SNTN: variants seen among roughly 807,000 people sequenced by gnomAD.
SNTN encodes sentan, cilia apical structure protein.
Under a neutral mutation model 12.3 loss-of-function variants are expected in SNTN, and 13 were observed. That is an observed-to-expected ratio of 1.05 (90% CI 0.69 to 1.67). The LOEUF is 1.67. Among genes scored for constraint, SNTN ranks in the 40% most tolerant of loss-of-function variants. The probability of loss-of-function intolerance (pLI) is 0.00; values close to 1 mark genes in which losing one functional copy is unlikely to be tolerated. For missense variants in SNTN, 189 were observed against 169.8 expected (o/e 1.11, Z -0.63); for synonymous variants, 69 against 58.5 (o/e 1.18, Z -0.82).
intron 2 of SNTN, among the ~76,000 whole-genome samples, chr3:63,655,645 C>G (rs931330698): frequency 6.6e-6 from 1 of 152,086 alleles, no homozygotes; most frequent in African/African-American, 2.4e-5. Context: ...ACACACCCAC[C>G]CCTGCCCACG....
At position 63,663,987 on chromosome 3, in the gene SNTN, G is replaced by A; in HGVS notation, c.336G>A (p.Glu112=). ...GAGAGATCCTTTCTGAACTTGATGAGCACACAGAAAATAAGCTAGATTTTG... is the reference window on the plus strand; with the variant it reads ...GAGAGATCCTTTCTGAACTTGATGAACACACAGAAAATAAGCTAGATTTTG... ...KYREILSELD[E]HTENKLDFED... The change falls in exon 4 of 4, where the codon GAG becomes GAA. Residue 112 remains glutamate, a synonymous_variant. Transcript: ENST00000343837. 6.2e-7 allele frequency: 1 copy of A among 1,613,926 alleles called. No homozygotes were observed. The highest frequency in any genetic ancestry group is 8.5e-7 in the Non-Finnish European group (1 of 1,179,966).
intron 1 of SNTN, 111 bp from the exon 2 acceptor site, chr3:63,654,651 G>A: frequency 1.1e-6 from 1 of 922,956 alleles, no homozygotes; most frequent in Admixed American, 2.4e-5. Context: ...AAATCTCAGA[G>A]AATGTTTACC....
intron 2 of SNTN, among the ~76,000 whole-genome samples, chr3:63,658,401 A>AATATATATATATATAT (rs58847521): frequency 8.9e-5 from 11 of 123,146 alleles, no homozygotes; most frequent in African/African-American, 2.9e-4. Flanking sequence ...ACAAGTTGTA[A>AATATATATATATATAT]ATATATATAT....
chr3:63,653,331 C>G (rs1700641524), intron 1 of SNTN, among the ~76,000 whole-genome samples: 1 of 151,778 alleles, frequency 6.6e-6, no homozygotes, highest in South Asian at 2.1e-4. Flanking sequence ...TCAATCATGG[C>G]AATAGAAAGA....
Position 63,664,991 on chromosome 3 carries a change from G to T in SNTN, c.*896G>T, listed in dbSNP as rs796752525. ...GGCTGGTCTCGAACTCCTGACCTCAGGTGATCCGCCCACAGCCTCCCAAAG... is the reference window on the plus strand; with the variant it reads ...GGCTGGTCTCGAACTCCTGACCTCATGTGATCCGCCCACAGCCTCCCAAAG... On this transcript the variant is annotated 3_prime_UTR_variant, in exon 4 of 4. Transcript: ENST00000343837. Among the ~76,000 whole-genome samples the T allele has an allele frequency of 2.0e-5, 3 of 152,118 alleles. No individual in the cohort carries two copies. The highest frequency in any genetic ancestry group is 7.2e-5 in the African/African-American group (3 of 41,508).
Position 63,664,297 on chromosome 3 carries a change from T to A in SNTN, c.*202T>A. The stretch of plus-strand genomic sequence containing the variant: ...ATGTTTGAATGATAAGGTCTCTGTG[T>A]GCTTTACAATAGGATAGATTTGATA... On this transcript the variant is annotated 3_prime_UTR_variant, in exon 4 of 4. Coordinates refer to ENST00000343837, the MANE Select transcript of SNTN (RefSeq NM_001080537.2). The A allele has an allele frequency of 1.9e-6, 1 of 528,004 alleles. No homozygotes were observed. The highest frequency in any genetic ancestry group is 3.3e-6 in the Non-Finnish European group (1 of 306,426). The allele number at this position is 528,004 out of a possible 1,614,324, so 32.7% of individuals were successfully genotyped here.
In SNTN at chr3:63,664,716, G is replaced by T. The variant is rs1700782982; in HGVS notation, c.*621G>T. The T allele has an allele frequency of 6.7e-6, 1 of 148,508 alleles. No individual in the cohort carries two copies. 9.2% of individuals were successfully genotyped at this position (148,508 alleles called of 1,614,324 possible). ...GTGGGAAATGGGGCTGTCCACAAAT[G>T]GCACAAGGGGAGTTTTTTATTTTAT... On this transcript the variant is annotated 3_prime_UTR_variant, in exon 4 of 4. Coordinates refer to ENST00000343837, the MANE Select transcript of SNTN (RefSeq NM_001080537.2).
At chr3:63,653,301 A>T (rs1440453604) in intron 1 of SNTN, among the ~76,000 whole-genome samples, 1 of 152,114 alleles carries the variant, frequency 6.6e-6, no homozygotes, top group Non-Finnish European at 1.5e-5. Flanking sequence ...CAAGGGTCTC[A>T]CAGACCCTTG....
intron 2 of SNTN, among the ~76,000 whole-genome samples, 187 bp downstream of exon 2, chr3:63,654,983 T>C (rs1052976368): frequency 1.3e-5 from 2 of 152,198 alleles, no homozygotes; most frequent in Non-Finnish European, 2.9e-5. Flanking sequence ...GGAATTAACT[T>C]ACCTAAACTT....
Position 63,664,421 on chromosome 3 carries a change from G to A in SNTN, c.*326G>A, listed in dbSNP as rs1700779035. 1 of 188,012 alleles carries A rather than the reference G, an allele frequency of 5.3e-6. No homozygotes were observed. Among genetic ancestry groups the A allele is most frequent in the East Asian group, 1.4e-4 (1 of 6,960 alleles). The allele number at this position is 188,012 out of a possible 1,614,324, so 11.6% of individuals were successfully genotyped here. ...CATTTATTCACTAAACATTTGTTGA[G>A]CATCTACTTGATGGAACTGCTGAGG... On this transcript the variant is annotated 3_prime_UTR_variant, in exon 4 of 4. Coordinates refer to ENST00000343837, the MANE Select transcript of SNTN (RefSeq NM_001080537.2).
intron 1 of SNTN, 25 bp downstream of exon 1, chr3:63,652,822 A>G (rs371690012): frequency 2.5e-6 from 4 of 1,589,760 alleles, no homozygotes; most frequent in Admixed American, 1.7e-5. Flanking sequence ...GCTGTCTTTT[A>G]TTGAGTTTCA....
chr3:63,657,832 C>T (rs183619955), intron 2 of SNTN, among the ~76,000 whole-genome samples: 7 of 152,268 alleles, frequency 4.6e-5, no homozygotes, highest in East Asian at 3.9e-4. Context: ...ACTTTCTTTG[C>T]GACATCTTAG....
chr3:63,660,320 T>A (rs1575750952), intron 3 of SNTN, among the ~76,000 whole-genome samples: 1 of 151,858 alleles, frequency 6.6e-6, no homozygotes, highest in Admixed American at 6.6e-5. Flanking sequence ...GAGATGAGGC[T>A]GGGGAGGCGA....
At chr3:63,653,575 C>T (rs1700644785) in intron 1 of SNTN, among the ~76,000 whole-genome samples, 1 of 152,072 alleles carries the variant, frequency 6.6e-6, no homozygotes, top group African/African-American at 2.4e-5. Flanking sequence ...ATCCTGAACC[C>T]AAAAGTTCCT....
In SNTN at chr3:63,663,976, G is replaced by A; in HGVS notation, c.325G>A (p.Glu109Lys). The change falls in exon 4 of 4, where the codon GAA becomes AAA. Residue 109 changes from glutamate to lysine, a missense_variant. Transcript: ENST00000343837. ...TKPKYREILSELDEHTENKLD... is the reference protein window; with the variant it reads ...TKPKYREILSKLDEHTENKLD... The stretch of plus-strand genomic sequence containing the variant: ...GCCAAAATACAGAGAGATCCTTTCT[G>A]AACTTGATGAGCACACAGAAAATAA... 1 of 1,613,596 alleles carries A rather than the reference G, an allele frequency of 6.2e-7. No individual in the cohort carries two copies. Among genetic ancestry groups the A allele is most frequent in the Non-Finnish European group, 8.5e-7 (1 of 1,179,896 alleles).
In SNTN at chr3:63,664,728, G is replaced by T. The variant is rs1484804011; in HGVS notation, c.*633G>T. The T allele has an allele frequency of 8.7e-6, 1 of 115,194 alleles. No individual in the cohort carries two copies. The highest frequency in any genetic ancestry group is 1.8e-5 in the Non-Finnish European group (1 of 54,856). The allele number at this position is 115,194 out of a possible 1,614,324, so 7.1% of individuals were successfully genotyped here. A position where few individuals can be genotyped will look rare whatever the true frequency, so the allele number is the denominator to read the frequency against. On this transcript the variant is annotated 3_prime_UTR_variant, in exon 4 of 4. Coordinates refer to ENST00000343837, the MANE Select transcript of SNTN (RefSeq NM_001080537.2). ...GCTGTCCACAAATGGCACAAGGGGA[G>T]TTTTTTATTTTATTTTATTTTATTT...
At chr3:63,654,291 C>T (rs56172883) in intron 1 of SNTN, among the ~76,000 whole-genome samples, 22,899 of 152,156 alleles carry the variant, frequency 0.15, 2,228 homozygotes, top group South Asian at 0.3. Context: ...TTACAGAATG[C>T]GAAGTCCTTT....
chr3:63,660,393 C>T lies in SNTN; in HGVS notation c.285+529C>T, dbSNP rs945458579. On this transcript the variant is annotated intron_variant, in intron 3 of 3. Transcript: ENST00000343837. The stretch of plus-strand genomic sequence containing the variant: ...AAGAGGAAGCCAGGAACTATGTCTA[C>T]GTCCAGGCCTAAGAAATTACACCAG... 7.2e-5 allele frequency among the ~76,000 whole-genome samples: 11 copies of T among 152,138 alleles called. No individual in the cohort carries two copies. The South Asian group carries it at 1.9e-3, about 26-fold the overall frequency.
At position 63,664,669 on chromosome 3, in the gene SNTN, T is replaced by C. The variant is rs1700782130; in HGVS notation, c.*574T>C. On this transcript the variant is annotated 3_prime_UTR_variant, in exon 4 of 4. Coordinates refer to ENST00000343837, the MANE Select transcript of SNTN (RefSeq NM_001080537.2). Reference sequence around the variant, plus strand: ...TAAAAAGCAAAAAAAAAAAAATTGGTCCATGGATGCCAGGGATATGGGTGG... The same window carrying C: ...TAAAAAGCAAAAAAAAAAAAATTGGCCCATGGATGCCAGGGATATGGGTGG... 1 of 151,442 alleles carries C rather than the reference T, an allele frequency of 6.6e-6. No homozygotes were observed. The highest frequency in any genetic ancestry group is 2.1e-4 in the South Asian group (1 of 4,808). The allele number at this position is 151,442 out of a possible 1,614,324, so 9.4% of individuals were successfully genotyped here. A position where few individuals can be genotyped will look rare whatever the true frequency, so the allele number is the denominator to read the frequency against.
Sources: allele counts gnomAD v4.1 joint callset (sites outside exome capture counted in the v4.1 genomes callset), GRCh38; gene constraint gnomAD v4.1.1; transcripts MANE v1.5; gene names NCBI Gene and HGNC (gene_info 2026-07-23, HGNC 2026-07-21).